The following AP3S1 variants were observed in gnomAD, a reference collection of about 807,000 sequenced individuals.
AP3S1 encodes adaptor related protein complex 3 subunit sigma 1.
In AP3S1, 12 loss-of-function variants were observed where a neutral mutation model predicts 21.3. The ratio of observed to expected loss-of-function variants is 0.56; its 90% CI spans 0.36 to 0.91. The LOEUF is 0.91. Among genes scored for constraint, AP3S1 ranks in the 40% least tolerant of loss-of-function variants. The pLI is 0.01. For synonymous variants in AP3S1, 48 were observed against 78.4 expected, an observed-to-expected ratio of 0.61 and a Z score of 2.05; for missense variants, 116 against 225.0, an observed-to-expected ratio of 0.52 and a Z score of 3.10.
At chr5:115,862,386 A>G (rs931254663) in intron 1 of AP3S1, among the ~76,000 whole-genome samples, 1 of 152,202 alleles carries the variant, frequency 6.6e-6, no homozygotes, top group Admixed American at 6.5e-5. Flanking sequence ...ATACTAGTTT[A>G]TTTTATCATT....
chr5:115,891,457 C>T (rs1750292681), intron 3 of AP3S1, among the ~76,000 whole-genome samples: 1 of 152,174 alleles, frequency 6.6e-6, no homozygotes, highest in Non-Finnish European at 1.5e-5. Flanking sequence ...GTGACCTGTA[C>T]TTTTGATTGA....
intron 3 of AP3S1, among the ~76,000 whole-genome samples, chr5:115,876,233 A>G (rs567088850): frequency 1.3e-5 from 2 of 152,334 alleles, no homozygotes; most frequent in African/African-American, 2.4e-5. Flanking sequence ...ACTAATTTAT[A>G]TAAACAATCA....
intron 2 of AP3S1, 145 bp downstream of exon 2, chr5:115,866,906 A>G (rs1177682493): frequency 4.7e-6 from 2 of 426,724 alleles, no homozygotes; most frequent in Non-Finnish European, 8.1e-6. Flanking sequence ...CTATAAATCT[A>G]ACTTAAAGAA....
intron 4 of AP3S1, among the ~76,000 whole-genome samples, chr5:115,897,269 C>G (rs189794668): frequency 6.6e-6 from 1 of 152,086 alleles, no homozygotes; most frequent in East Asian, 1.9e-4. Flanking sequence ...GTTCATTTTA[C>G]ACAACACTAT....
At chr5:115,858,077 A>G (rs1429290458) in intron 1 of AP3S1, among the ~76,000 whole-genome samples, 1 of 152,170 alleles carries the variant, frequency 6.6e-6, no homozygotes, top group Non-Finnish European at 1.5e-5. Flanking sequence ...GACCAGTTGT[A>G]TGGCAGTCAT....
At chr5:115,890,117 G>A (rs1750159497) in intron 3 of AP3S1, among the ~76,000 whole-genome samples, 1 of 152,118 alleles carries the variant, frequency 6.6e-6, no homozygotes, top group South Asian at 2.1e-4. Context: ...TAACCTACAC[G>A]ACTCTTTGAC....
intron 5 of AP3S1, among the ~76,000 whole-genome samples, chr5:115,905,362 T>G (rs1183639244): frequency 6.6e-6 from 1 of 152,184 alleles, no homozygotes; most frequent in Non-Finnish European, 1.5e-5. Flanking sequence ...TTTAAAATAG[T>G]TTAGAATACT....
At chr5:115,852,241 T>TATACC (rs1265101676) in intron 1 of AP3S1, among the ~76,000 whole-genome samples, 1 of 151,986 alleles carries the variant, frequency 6.6e-6, no homozygotes, top group Non-Finnish European at 1.5e-5. Context: ...CCTGTTTTGG[T>TATACC]AAAAGGCAAA....
At chr5:115,855,683 C>G (rs1189047145) in intron 1 of AP3S1, among the ~76,000 whole-genome samples, 1 of 152,076 alleles carries the variant, frequency 6.6e-6, no homozygotes, top group Non-Finnish European at 1.5e-5. Context: ...ATAAAAAAGG[C>G]AAAATACAAA....
intron 1 of AP3S1, among the ~76,000 whole-genome samples, chr5:115,844,031 G>C (rs752571482): frequency 1.3e-5 from 2 of 152,206 alleles, no homozygotes; most frequent in Non-Finnish European, 2.9e-5. Context: ...GCCGTTTATA[G>C]GTGGAGTATG....
At chr5:115,858,760 CTTTA>C (rs1561480031) in intron 1 of AP3S1, among the ~76,000 whole-genome samples, 1 of 150,702 alleles carries the variant, frequency 6.6e-6, no homozygotes. Context: ...CCATGAGCTT[CTTTA>C]TTTCTGAATT....
chr5:115,901,583 C>G (rs1248085305), intron 4 of AP3S1, among the ~76,000 whole-genome samples: 1 of 148,928 alleles, frequency 6.7e-6, no homozygotes, highest in Non-Finnish European at 1.5e-5. Context: ...GAGGCAGGGT[C>G]TCACTCTGTT....
chr5:115,865,649 G>A lies in AP3S1; in HGVS notation c.70-1021G>A, dbSNP rs144151832. Reference sequence around the variant, plus strand: ...TACTTTTGCTGATATGGTACATGTGGAGCTATCTCATTGTTTTAATTTGTA... The same window carrying A: ...TACTTTTGCTGATATGGTACATGTGAAGCTATCTCATTGTTTTAATTTGTA... On this transcript the variant is annotated intron_variant, in intron 1 of 5. Transcript: ENST00000316788. 2.8e-4 allele frequency among the ~76,000 whole-genome samples: 43 copies of A among 152,210 alleles called. No individual in the cohort carries two copies. The East Asian group carries it at 8.3e-3, about 29-fold the overall frequency.
At chr5:115,850,323 G>A (rs1762351583) in intron 1 of AP3S1, among the ~76,000 whole-genome samples, 1 of 152,136 alleles carries the variant, frequency 6.6e-6, no homozygotes, top group African/African-American at 2.4e-5. Context: ...ATCTTAGTGT[G>A]ACATGAAAGG....
intron 5 of AP3S1, chr5:115,908,887 T>A (rs1308354419): frequency 1.2e-5 from 8 of 689,862 alleles, no homozygotes; most frequent in Non-Finnish European, 1.2e-5. Context: ...AAACATGCTT[T>A]CAAAATCTGC....
intron 3 of AP3S1, among the ~76,000 whole-genome samples, chr5:115,889,966 T>TGAGTATG (rs1750143539): frequency 6.6e-6 from 1 of 152,132 alleles, no homozygotes; most frequent in African/African-American, 2.4e-5. Context: ...CACACACCCT[T>TGAGTATG]GAGTATGGTT....
intron 1 of AP3S1, among the ~76,000 whole-genome samples, chr5:115,859,940 C>A (rs1763055481): frequency 6.6e-6 from 1 of 152,070 alleles, no homozygotes; most frequent in Non-Finnish European, 1.5e-5. Flanking sequence ...TAACAAATTA[C>A]CACAGACTTA....
chr5:115,899,452 A>T (rs982133927), intron 4 of AP3S1, among the ~76,000 whole-genome samples: 3 of 152,180 alleles, frequency 2.0e-5, no homozygotes, highest in Non-Finnish European at 2.9e-5. Context: ...TTATAATTTT[A>T]AAATTTATTT....
chr5:115,906,854 T>C, intron 5 of AP3S1: 1 of 1,520,988 alleles, frequency 6.6e-7, no homozygotes, highest in Non-Finnish European at 8.8e-7. Flanking sequence ...ACAGGACAGG[T>C]AGACAAGGTA....
Sources: gnomAD v4.1 joint callset for allele counts (sites outside exome capture counted in the v4.1 genomes callset) on GRCh38, gnomAD v4.1.1 for gene constraint, MANE v1.5 for transcripts, NCBI Gene and HGNC (gene_info 2026-07-23, HGNC 2026-07-21) for gene names.